The following AGAP1 variants were observed in gnomAD, a reference collection of about 807,000 sequenced individuals.
AGAP1 encodes arf-GAP with GTPase, ANK repeat and PH domain-containing protein 1.
Under a neutral mutation model 105.3 loss-of-function variants are expected in AGAP1, and 29 were observed. The observed-to-expected ratio is 0.28, with a 90% CI of 0.21 to 0.38. The LOEUF (loss-of-function observed/expected upper bound fraction) is 0.38, where lower values mean the gene tolerates loss of function less well. AGAP1 is among the 10% of genes least tolerant of loss of function. AGAP1 has a pLI of 1.00. For missense variants in AGAP1, 998 were observed against 1,165.1 expected, an observed-to-expected ratio of 0.86 and a Z score of 2.09; for synonymous variants, 509 against 485.9, an observed-to-expected ratio of 1.05 and a Z score of -0.63.
intron 1 of AGAP1, chr2:235,670,846 C>T: frequency 7.3e-7 from 1 of 1,365,052 alleles, no homozygotes; most frequent in Non-Finnish European, 9.5e-7. Context: ...GGCTGGAGCG[C>T]GCGCGGGCGG....
At chr2:235,693,490 G>A (rs933998485) in intron 1 of AGAP1, among the ~76,000 whole-genome samples, 6 of 152,190 alleles carry the variant, frequency 3.9e-5, no homozygotes, top group Admixed American at 3.3e-4. Context: ...AGGTACTGAA[G>A]GCTTTACCCC....
intron 9 of AGAP1, among the ~76,000 whole-genome samples, chr2:235,880,301 C>T (rs113093082): frequency 0.02 from 3,085 of 152,138 alleles, 91 homozygotes; most frequent in African/African-American, 0.071. Context: ...GGTGCAAATC[C>T]ATCCGCGTGG....
Position 235,621,448 on chromosome 2 carries a change from A to G in AGAP1, c.164-87731A>G, listed in dbSNP as rs1946475465. Among the ~76,000 whole-genome samples the G allele has an allele frequency of 6.6e-6, 1 of 152,230 alleles. No individual in the cohort carries two copies. The highest frequency in any genetic ancestry group is 2.1e-4 in the South Asian group (1 of 4,832). On this transcript the variant is annotated intron_variant, in intron 1 of 17. Coordinates refer to ENST00000304032, the MANE Select transcript of AGAP1 (RefSeq NM_001037131.3). The surrounding 1 kb of genome is among the most constrained non-coding windows in gnomAD (Gnocchi z 4.1). ...AAGCTTAGACACGGCCGAATGAGCC[A>G]GAGCCTCTGCTGCTGCCATTGGCGT... is the stretch of plus-strand genomic sequence containing the variant.
In AGAP1 at chr2:235,835,716, G is replaced by A. The variant is rs570818591; in HGVS notation, c.1050+28385G>A. ...GCTGGGCACTTTACAACAAAATCGT[G>A]TCTCCATTGCAAAAAGTTTGTATCA... On this transcript the variant is annotated intron_variant, in intron 9 of 17. Coordinates refer to ENST00000304032, the MANE Select transcript of AGAP1 (RefSeq NM_001037131.3). 7.2e-5 allele frequency among the ~76,000 whole-genome samples: 11 copies of A among 152,330 alleles called. No individual in the cohort carries two copies. In the East Asian group the frequency reaches 2.1e-3, roughly 29 times the overall value.
chr2:235,852,403 G>A (rs576516043), intron 9 of AGAP1, among the ~76,000 whole-genome samples: 1 of 152,234 alleles, frequency 6.6e-6, no homozygotes, highest in Admixed American at 6.5e-5. Flanking sequence ...GGTGGAAAGG[G>A]GGGGGAACCC....
rs1475102294 is a variant in AGAP1, at chr2:236,129,293, G to T, written c.*5171G>T. The T allele has an allele frequency of 6.6e-6, 1 of 152,342 alleles. No individual in the cohort carries two copies. The highest frequency in any genetic ancestry group is 1.5e-5 in the Non-Finnish European group (1 of 68,122). 9.4% of individuals were successfully genotyped at this position (152,342 alleles called of 1,614,324 possible). On this transcript the variant is annotated 3_prime_UTR_variant, in exon 18 of 18. Coordinates refer to ENST00000304032, the MANE Select transcript of AGAP1 (RefSeq NM_001037131.3). The surrounding 1 kb of genome is among the most constrained non-coding windows in gnomAD (Gnocchi z 6.2). The stretch of plus-strand genomic sequence containing the variant: ...ACCCCCCTGCCCTGCCCAGTGGACA[G>T]ATCTGCCCCAGCCCTGCTGTGGGGA...
At position 235,988,735 on chromosome 2, in the gene AGAP1, C is replaced by T. The variant is rs996171673; in HGVS notation, c.1645+20112C>T. ...CCCGCCGACTCCACTCTGGCCAAGACGAGCTCTCAGATTGCACTTCAGAAT... is the reference window on the plus strand; with the variant it reads ...CCCGCCGACTCCACTCTGGCCAAGATGAGCTCTCAGATTGCACTTCAGAAT... On this transcript the variant is annotated intron_variant, in intron 13 of 17. Coordinates refer to ENST00000304032, the MANE Select transcript of AGAP1 (RefSeq NM_001037131.3). This position sits in a 1 kb window ranked among gnomAD's most constrained non-coding sequence, Gnocchi z 4.7. 3.3e-5 allele frequency among the ~76,000 whole-genome samples: 5 copies of T among 152,110 alleles called. No homozygotes were observed. The highest frequency in any genetic ancestry group is 4.8e-5 in the African/African-American group (2 of 41,422).
intron 1 of AGAP1, among the ~76,000 whole-genome samples, chr2:235,584,975 CA>C (rs1945058013): frequency 6.7e-6 from 1 of 149,964 alleles, no homozygotes; most frequent in Non-Finnish European, 1.5e-5. Flanking sequence ...CCCCCCTACC[CA>C]CTTAGGTACA....
At chr2:235,933,194 A>G (rs995998502) in intron 12 of AGAP1, among the ~76,000 whole-genome samples, 4 of 152,252 alleles carry the variant, frequency 2.6e-5, no homozygotes, top group South Asian at 4.1e-4. Context: ...AACTTGAGAA[A>G]TGCTTAAAGA....
rs374471697 is a variant in AGAP1, at chr2:235,663,096, G to A, written c.164-46083G>A. On this transcript the variant is annotated intron_variant, in intron 1 of 17. Coordinates refer to ENST00000304032, the MANE Select transcript of AGAP1 (RefSeq NM_001037131.3). This position sits in a 1 kb window ranked among gnomAD's most constrained non-coding sequence, Gnocchi z 5.4. ...TCCCAGCACTTTGGGAGGCCGAGGCGGGTGGATCATCTGAGGTCAGCCTGA... is the reference window on the plus strand; with the variant it reads ...TCCCAGCACTTTGGGAGGCCGAGGCAGGTGGATCATCTGAGGTCAGCCTGA... 5.3e-5 allele frequency among the ~76,000 whole-genome samples: 8 copies of A among 152,212 alleles called. No homozygotes were observed. In the East Asian group the frequency reaches 7.8e-4, roughly 15 times the overall value.
chr2:235,513,522 GAAAAAAAAAA>G (rs5839595), intron 1 of AGAP1, among the ~76,000 whole-genome samples: 5 of 73,226 alleles, frequency 6.8e-5, no homozygotes, highest in Non-Finnish European at 1.2e-4. Context: ...CTCCGTCTCA[GAAAAAAAAAA>G]AAAAAAAAAA....
intron 1 of AGAP1, among the ~76,000 whole-genome samples, chr2:235,594,290 T>G (rs9967834): frequency 0.24 from 22,105 of 92,442 alleles, 3,794 homozygotes; most frequent in African/African-American, 0.45. Context: ...CATTCTGGGG[T>G]TTTTTTTTTT....
intron 12 of AGAP1, among the ~76,000 whole-genome samples, chr2:235,932,006 A>G (rs1305948323): frequency 1.3e-5 from 2 of 152,180 alleles, no homozygotes; most frequent in East Asian, 3.9e-4. Flanking sequence ...TTAGATAGCA[A>G]AGATCTGCCT....
chr2:236,077,337 T>C (rs1358729858), intron 16 of AGAP1, among the ~76,000 whole-genome samples: 2 of 150,624 alleles, frequency 1.3e-5, no homozygotes, highest in African/African-American at 4.9e-5. Context: ...TTTTTTTTTT[T>C]TGAGACAGTT....
At chr2:235,817,557 A>T (rs1041949987) in intron 9 of AGAP1, among the ~76,000 whole-genome samples, 1 of 152,172 alleles carries the variant, frequency 6.6e-6, no homozygotes, top group African/African-American at 2.4e-5. Flanking sequence ...ATAAGTAAAT[A>T]TATAGGAATG....
Position 235,588,746 on chromosome 2 carries a change from A to G in AGAP1, c.163+93897A>G, listed in dbSNP as rs563562281. ...GATTTGGAGATTACTAGGGTAAATT[A>G]TAGATCAAGAATATCATACATGTCA... On this transcript the variant is annotated intron_variant, in intron 1 of 17. Transcript: ENST00000304032. Among the ~76,000 whole-genome samples, 3 of 152,300 alleles carry G rather than the reference A, an allele frequency of 2.0e-5. No homozygotes were observed. In the South Asian group the frequency reaches 6.2e-4, roughly 32 times the overall value.
intron 1 of AGAP1, among the ~76,000 whole-genome samples, chr2:235,616,996 G>T (rs1946328356): frequency 6.6e-6 from 1 of 151,332 alleles, no homozygotes; most frequent in Non-Finnish European, 1.5e-5. Flanking sequence ...GAGTTGAAAA[G>T]TCAAAGTCAC....
rs891858961 is a variant in AGAP1, at chr2:235,729,813, C to T, written c.311-11150C>T. 6.6e-6 allele frequency among the ~76,000 whole-genome samples: 1 copy of T among 152,148 alleles called. No homozygotes were observed. Among genetic ancestry groups the T allele is most frequent in the Non-Finnish European group, 1.5e-5 (1 of 68,030 alleles). On this transcript the variant is annotated intron_variant, in intron 3 of 17. Coordinates refer to ENST00000304032, the MANE Select transcript of AGAP1 (RefSeq NM_001037131.3). This position sits in a 1 kb window ranked among gnomAD's most constrained non-coding sequence, Gnocchi z 5.0. ...AGATGAGACTACAGCAGCGACTTGT[C>T]ACCTCTTCCGTGTTGCTACTGCCTG...
chr2:235,785,170 T>A (rs558300302), intron 6 of AGAP1, among the ~76,000 whole-genome samples: 1 of 152,318 alleles, frequency 6.6e-6, no homozygotes, highest in Admixed American at 6.5e-5. Flanking sequence ...GTTGTAAGGA[T>A]AATTATTTCT....
Sources: allele counts gnomAD v4.1 joint callset (sites outside exome capture counted in the v4.1 genomes callset), GRCh38; gene constraint gnomAD v4.1.1; non-coding constraint Gnocchi (gnomAD v3.1); transcripts MANE v1.5; gene names NCBI Gene and HGNC (gene_info 2026-07-23, HGNC 2026-07-21).